The following CHLSN variants were observed in gnomAD, a reference collection of about 807,000 sequenced individuals.
CHLSN encodes cholesin.
the CHLSN span, among the ~76,000 whole-genome samples, chr7:1,051,424 G>A: frequency 3.3e-5 from 5 of 152,240 alleles, no homozygotes; most frequent in Non-Finnish European, 7.3e-5. Context: ...GAGCACATTT[G>A]CTCACGTCTC....
the CHLSN span, among the ~76,000 whole-genome samples, chr7:1,107,995 A>G: frequency 3.4e-4 from 32 of 93,136 alleles, no homozygotes; most frequent in Admixed American, 9.5e-4. Flanking sequence ...GCACCCCGGG[A>G]GGAAGCAGAG....
the CHLSN span, chr7:1,092,456 G>T: frequency 6.2e-7 from 1 of 1,608,234 alleles, no homozygotes. Context: ...GTGCTGGTCA[G>T]GGCGCACCGG....
chr7:1,005,170 A>C, the CHLSN span, among the ~76,000 whole-genome samples: 1 of 152,186 alleles, frequency 6.6e-6, no homozygotes, highest in Non-Finnish European at 1.5e-5. Flanking sequence ...GGATGCCTGT[A>C]ATCTCAGCTA....
chr7:1,112,054 TA>T, the CHLSN span, among the ~76,000 whole-genome samples: 1 of 152,256 alleles, frequency 6.6e-6, no homozygotes, highest in Admixed American at 6.5e-5. Context: ...ATTACTTTTT[TA>T]AAATTACATT....
At chr7:1,071,528 A>C in the CHLSN span, among the ~76,000 whole-genome samples, 1 of 152,172 alleles carries the variant, frequency 6.6e-6, no homozygotes, top group Non-Finnish European at 1.5e-5. Flanking sequence ...ATGAGTCCAC[A>C]GCGACACTCC....
At chr7:986,557 C>A in the CHLSN span, 1 of 1,569,360 alleles carries the variant, frequency 6.4e-7, no homozygotes, top group Non-Finnish European at 8.7e-7. Context: ...TGGGGACGAT[C>A]ACCGCCTGCC....
At chr7:980,317 G>T in the CHLSN span, among the ~76,000 whole-genome samples, 1 of 152,200 alleles carries the variant, frequency 6.6e-6, no homozygotes, top group African/African-American at 2.4e-5. Context: ...GATGGCTCAG[G>T]CCTGAGTATC....
At chr7:1,114,206 C>T in the CHLSN span, among the ~76,000 whole-genome samples, 11 of 152,154 alleles carry the variant, frequency 7.2e-5, no homozygotes, top group South Asian at 4.1e-4. Context: ...ATACAAGGGC[C>T]GGGCTGTTCC....
chr7:1,028,303 C>A, the CHLSN span: 7 of 1,052,084 alleles, frequency 6.7e-6, no homozygotes, highest in African/African-American at 1.0e-4. Flanking sequence ...GGCGCCGGGG[C>A]AGGGATGCGC....
the CHLSN span, among the ~76,000 whole-genome samples, chr7:1,031,207 C>G: frequency 6.6e-6 from 1 of 152,236 alleles, no homozygotes; most frequent in Non-Finnish European, 1.5e-5. Flanking sequence ...CTGGACAGAA[C>G]AAGACAAAGA....
the CHLSN span, among the ~76,000 whole-genome samples, chr7:1,128,575 G>A: frequency 7.7e-4 from 9 of 11,724 alleles, no homozygotes; most frequent in East Asian, 2.6e-3. Context: ...GTGCAGTGGC[G>A]CGATCTCGGC....
chr7:1,057,894 C>A, the CHLSN span: 1 of 776,754 alleles, frequency 1.3e-6, no homozygotes. Flanking sequence ...GAGCCTCGAC[C>A]ACTACATCGA....
At chr7:1,030,554 A>G in the CHLSN span, among the ~76,000 whole-genome samples, 1 of 152,164 alleles carries the variant, frequency 6.6e-6, no homozygotes, top group African/African-American at 2.4e-5. Context: ...CAGAGGGGGA[A>G]CCAAGCCCAG....
chr7:1,105,307 T>C, the CHLSN span, among the ~76,000 whole-genome samples: 1 of 152,204 alleles, frequency 6.6e-6, no homozygotes, highest in South Asian at 2.1e-4. Flanking sequence ...ACAGCTTCAG[T>C]CAGGAGACCC....
chr7:1,017,512 C>T, the CHLSN span, among the ~76,000 whole-genome samples: 1 of 152,174 alleles, frequency 6.6e-6, no homozygotes, highest in Non-Finnish European at 1.5e-5. Flanking sequence ...GTGTCGCTGC[C>T]ATCGGGCCCT....
At chr7:1,055,390 A>C in the CHLSN span, 1 of 470,288 alleles carries the variant, frequency 2.1e-6, no homozygotes, top group African/African-American at 2.0e-5. Flanking sequence ...GCAGGTCCTC[A>C]CCAGAGCTCT....
chr7:1,107,951 A>C, the CHLSN span, among the ~76,000 whole-genome samples: 2 of 135,424 alleles, frequency 1.5e-5, no homozygotes, highest in South Asian at 2.4e-4. Context: ...CCCGGGAGGA[A>C]GCAGAGGGGG....
At chr7:985,163 C>T in the CHLSN span, 1 of 1,586,270 alleles carries the variant, frequency 6.3e-7, no homozygotes, top group Admixed American at 1.8e-5. Flanking sequence ...GTCTCCCTCG[C>T]AGGCCGGCCC....
At chr7:1,086,875 G>A in the CHLSN span, 4 of 152,292 alleles carry the variant, frequency 2.6e-5, no homozygotes, top group Non-Finnish European at 5.9e-5. Flanking sequence ...ACATTACAGA[G>A]GGAAAACGAC....
Sources: gnomAD v4.1 joint callset for allele counts (sites outside exome capture counted in the v4.1 genomes callset) on GRCh38, gnomAD v4.1.1 for gene constraint, MANE v1.5 for transcripts, NCBI Gene and HGNC (gene_info 2026-07-23, HGNC 2026-07-21) for gene names.